COL12A1: variants seen among roughly 807,000 people sequenced by gnomAD.
The protein encoded by COL12A1 is collagen alpha-1(XII) chain.
Under a neutral mutation model 349.7 loss-of-function variants are expected in COL12A1, and 114 were observed. The observed-to-expected ratio is 0.33, with a 90% CI of 0.28 to 0.38. The LOEUF (loss-of-function observed/expected upper bound fraction) is 0.38. Among genes scored for constraint, COL12A1 ranks in the 10% least tolerant of loss-of-function variants. The probability of loss-of-function intolerance (pLI) is 1.00; values close to 1 mark genes in which losing one functional copy is unlikely to be tolerated. For synonymous variants in COL12A1, 1,369 were observed against 1,329.0 expected, an observed-to-expected ratio of 1.03 and a Z score of -0.66; for missense variants, 3,284 against 3,756.9, an observed-to-expected ratio of 0.87 and a Z score of 3.29.
At position 75,086,648 on chromosome 6, in the gene COL12A1, G is replaced by GTATATATA. The variant is rs61611291; in HGVS notation, c.9182-99_9182-92dup. 295 of 288,982 alleles carry GTATATATA rather than the reference G, an allele frequency of 1.0e-3. 1 individual carries two copies. Among genetic ancestry groups the GTATATATA allele is most frequent in the African/African-American group, 5.3e-3 (218 of 41,218 alleles). 17.9% of individuals were successfully genotyped at this position (288,982 alleles called of 1,614,324 possible). A position where few individuals can be genotyped will look rare whatever the true frequency, so the allele number is the denominator to read the frequency against. On this transcript the variant is annotated intron_variant, in intron 65 of 65. Transcript: ENST00000322507. The stretch of plus-strand genomic sequence containing the variant: ...TCCATCTACGTATGTAATGGTTAAA[G>GTATATATA]TATATATATATATATATATATATAT...
chr6:75,130,864 G>T lies in COL12A1; in HGVS notation c.6055C>A (p.Gln2019Lys), dbSNP rs1766266455. The T allele has an allele frequency of 6.2e-7, 1 of 1,614,026 alleles. No individual in the cohort carries two copies. Among genetic ancestry groups the T allele is most frequent in the Non-Finnish European group, 8.5e-7 (1 of 1,179,958 alleles). The change falls in exon 36 of 66, where the codon CAG becomes AAG. Residue 2019 changes from glutamine (Q) to lysine (K), a missense_variant. By Grantham distance (53) the Gln-to-Lys change is moderately conservative. Around this residue, in one of 2 missense-constraint regions of COL12A1, gnomAD observed 2,601 missense variants for 2,824.8 expected, o/e 0.92. Transcript: ENST00000322507. ...SDGEGNPSPAQGRTLPRSGPR... is the reference protein window; with the variant it reads ...SDGEGNPSPAKGRTLPRSGPR... Reference sequence around the variant, plus strand: ...ATTTCTGCCTCACGCGTTCGGCCCTGGGCAGGGCTGGGATTTCCCTCTCCA... The same window carrying T: ...ATTTCTGCCTCACGCGTTCGGCCCTTGGCAGGGCTGGGATTTCCCTCTCCA...
intron 9 of COL12A1, 58 bp from the exon 10 acceptor site, chr6:75,183,710 A>C (rs958303879): frequency 7.3e-5 from 113 of 1,538,094 alleles, no homozygotes; most frequent in Non-Finnish European, 1.7e-5. Context: ...TAAAATATAC[A>C]TATCTAGCTT....
At chr6:75,125,350 T>G in intron 39 of COL12A1, 77 bp from the exon 40 acceptor site, 3 of 1,371,976 alleles carry the variant, frequency 2.2e-6, no homozygotes, top group Non-Finnish European at 3.0e-6. Flanking sequence ...AAAGATCTTA[T>G]AGTCAAAGGG....
intron 21 of COL12A1, 24 bp from the exon 22 acceptor site, chr6:75,148,521 A>G: frequency 1.3e-6 from 2 of 1,599,652 alleles, no homozygotes; most frequent in Non-Finnish European, 1.7e-6. Flanking sequence ...TAAAGGGTAT[A>G]CACTTTTCTC....
At chr6:75,111,093 T>C (rs145970888) in intron 51 of COL12A1, among the ~76,000 whole-genome samples, 3 of 152,084 alleles carry the variant, frequency 2.0e-5, no homozygotes, top group Admixed American at 2.0e-4. Context: ...TTTCACAATG[T>C]ATGTGTATAT....
At chr6:75,135,658 G>C (rs994540770) in intron 31 of COL12A1, among the ~76,000 whole-genome samples, 3 of 152,150 alleles carry the variant, frequency 2.0e-5, no homozygotes, top group Admixed American at 2.0e-4. Context: ...GGATGTGCTA[G>C]AACAAACCAG....
At chr6:75,198,530 G>A (rs941164792) in intron 2 of COL12A1, among the ~76,000 whole-genome samples, 1 of 151,486 alleles carries the variant, frequency 6.6e-6, no homozygotes, top group Non-Finnish European at 1.5e-5. Flanking sequence ...TAAATATGTG[G>A]TATTCAGGTA....
At chr6:75,205,027 G>A (rs577348678) in intron 1 of COL12A1, among the ~76,000 whole-genome samples, 1 of 151,976 alleles carries the variant, frequency 6.6e-6, no homozygotes, top group African/African-American at 2.4e-5. Flanking sequence ...TCCGCTCGCT[G>A]AACGAGTCCG....
In COL12A1 at chr6:75,138,233, T is replaced by G. The variant is rs1766718220; in HGVS notation, c.5251+87A>C. On this transcript the variant is annotated intron_variant, in intron 30 of 65. Coordinates refer to ENST00000322507, the MANE Select transcript of COL12A1 (RefSeq NM_004370.6). ...TCTTAGGATTTAAAAGCAGATGACC[T>G]ATTTATTATGTATCTTATGGTACTT... 6 of 1,308,462 alleles carry G rather than the reference T, an allele frequency of 4.6e-6. No individual in the cohort carries two copies. The East Asian group carries it at 1.4e-4, about 30-fold the overall frequency. 81.1% of individuals were successfully genotyped at this position (1,308,462 alleles called of 1,614,324 possible).
intron 52 of COL12A1, among the ~76,000 whole-genome samples, chr6:75,108,615 T>C (rs1244981333): frequency 1.3e-5 from 2 of 152,156 alleles, no homozygotes; most frequent in East Asian, 3.9e-4. Context: ...CTGGTGAAAG[T>C]TGCAACTAGT....
chr6:75,120,832 C>T (rs754671756), intron 44 of COL12A1, among the ~76,000 whole-genome samples: 4 of 152,158 alleles, frequency 2.6e-5, no homozygotes, highest in Admixed American at 6.5e-5. Context: ...AAATGAAATA[C>T]GCTTTAGCTC....
chr6:75,149,885 C>G (rs1000097849), intron 21 of COL12A1, among the ~76,000 whole-genome samples: 4 of 152,108 alleles, frequency 2.6e-5, no homozygotes, highest in African/African-American at 7.2e-5. Flanking sequence ...ACTCAAAGTT[C>G]TCTCCAATGG....
intron 12 of COL12A1, among the ~76,000 whole-genome samples, chr6:75,175,525 T>A (rs1479262474): frequency 6.6e-6 from 1 of 152,244 alleles, no homozygotes; most frequent in Non-Finnish European, 1.5e-5. Context: ...ATTCAGTCCC[T>A]TTTCTGTGTT....
At chr6:75,123,614 A>T (rs1765854854) in intron 42 of COL12A1, among the ~76,000 whole-genome samples, 1 of 152,150 alleles carries the variant, frequency 6.6e-6, no homozygotes, top group African/African-American at 2.4e-5. Flanking sequence ...AGCTACAGAA[A>T]ATAAAGATCT....
intron 63 of COL12A1, 48 bp from the exon 64 acceptor site, chr6:75,089,222 G>T: frequency 1.5e-6 from 2 of 1,365,202 alleles, no homozygotes; most frequent in Non-Finnish European, 2.0e-6. Context: ...TTATCTGGAA[G>T]CATGTAATTT....
chr6:75,172,194 G>A (rs1277380497), intron 13 of COL12A1, among the ~76,000 whole-genome samples: 1 of 152,116 alleles, frequency 6.6e-6, no homozygotes, highest in African/African-American at 2.4e-5. Context: ...CACTTGTGAA[G>A]AGCTATAATA....
At chr6:75,194,686 G>T in intron 3 of COL12A1, 145 bp downstream of exon 3, 1 of 521,686 alleles carries the variant, frequency 1.9e-6, no homozygotes. Flanking sequence ...TCTGAAACCT[G>T]AGTTCAGCAA....
intron 25 of COL12A1, among the ~76,000 whole-genome samples, chr6:75,144,622 C>T (rs1200727500): frequency 2.0e-5 from 3 of 152,060 alleles, no homozygotes; most frequent in Non-Finnish European, 2.9e-5. Flanking sequence ...ATCATTGTCA[C>T]GCTTCAAGAA....
chr6:75,127,312 T>C (rs1406654990), intron 38 of COL12A1, among the ~76,000 whole-genome samples: 2 of 152,112 alleles, frequency 1.3e-5, no homozygotes, highest in Non-Finnish European at 2.9e-5. Flanking sequence ...GACAACAATA[T>C]CAATAAATAC....
Sources: allele counts gnomAD v4.1 joint callset (sites outside exome capture counted in the v4.1 genomes callset), GRCh38; gene constraint gnomAD v4.1.1; regional missense constraint gnomAD v4.1.1; transcripts MANE v1.5; gene names NCBI Gene and HGNC (gene_info 2026-07-23, HGNC 2026-07-21).